Variants in DSCAML1 observed in about 807,000 individuals in gnomAD.
DSCAML1 encodes cell adhesion molecule DSCAML1.
A neutral mutation model predicts 200.5 loss-of-function variants in DSCAML1; 38 were observed. That is an observed-to-expected ratio of 0.19 (90% CI 0.15 to 0.25). The LOEUF (loss-of-function observed/expected upper bound fraction) is 0.25, where lower values mean the gene tolerates loss of function less well. Among genes scored for constraint, DSCAML1 ranks in the 10% least tolerant of loss-of-function variants. The probability of loss-of-function intolerance (pLI) is 1.00; values close to 1 mark genes in which losing one functional copy is unlikely to be tolerated. For synonymous variants in DSCAML1, 1,215 were observed against 1,165.0 expected (o/e 1.04, Z -0.87); for missense variants, 2,223 against 2,858.8 (o/e 0.78, Z 5.07).
intron 4 of DSCAML1, among the ~76,000 whole-genome samples, chr11:117,530,201 G>A (rs1369120425): frequency 4.6e-5 from 7 of 152,144 alleles, no homozygotes; most frequent in Non-Finnish European, 1.0e-4. Context: ...AGGAGGGGAA[G>A]AAGGGCTGGC....
intron 29 of DSCAML1, 72 bp from the exon 30 acceptor site, chr11:117,432,576 T>C: frequency 2.0e-6 from 3 of 1,488,580 alleles, no homozygotes; most frequent in Non-Finnish European, 2.7e-6. Flanking sequence ...TGTGACTGAA[T>C]TTCTCTTTGT....
At chr11:117,635,377 G>A (rs746414684) in intron 3 of DSCAML1, among the ~76,000 whole-genome samples, 12 of 152,052 alleles carry the variant, frequency 7.9e-5, no homozygotes, top group East Asian at 3.9e-4. Context: ...CCAGAGTCCC[G>A]GATATCCAAG....
intron 3 of DSCAML1, among the ~76,000 whole-genome samples, chr11:117,726,937 G>A (rs975537833): frequency 6.6e-6 from 1 of 152,112 alleles, no homozygotes; most frequent in African/African-American, 2.4e-5. Context: ...CAGGCAGCAC[G>A]TAGCCTACTG....
chr11:117,748,593 G>T (rs2054553903), intron 3 of DSCAML1, among the ~76,000 whole-genome samples: 1 of 152,206 alleles, frequency 6.6e-6, no homozygotes, highest in South Asian at 2.1e-4. Flanking sequence ...TCCAGCAGGT[G>T]TGGAATGCGG....
Position 117,718,430 on chromosome 11 carries a change from T to C in DSCAML1, c.511+58361A>G, listed in dbSNP as rs546342685. Among the ~76,000 whole-genome samples the C allele has an allele frequency of 6.6e-5, 10 of 152,312 alleles. No individual in the cohort carries two copies. In the South Asian group the frequency reaches 2.1e-3, roughly 32 times the overall value. On this transcript the variant is annotated intron_variant, in intron 3 of 32. Coordinates refer to ENST00000651296, the MANE Select transcript of DSCAML1 (RefSeq NM_020693.4). Reference sequence around the variant, plus strand: ...CAGTTCCAGCATAGGTGCAGTATCTTTGGCCAGGAATTCAGCAAGCTTTGG... The same window carrying C: ...CAGTTCCAGCATAGGTGCAGTATCTCTGGCCAGGAATTCAGCAAGCTTTGG...
rs371134042 is a variant in DSCAML1, at chr11:117,428,387, C to T, written c.6103G>A (p.Val2035Ile). Residue 2035 changes from valine to isoleucine, a missense_variant, in exon 33 of 33, where the codon GTA becomes ATA. Physicochemically the swap from Val to Ile is conservative, Grantham distance 29. Coordinates refer to ENST00000651296, the MANE Select transcript of DSCAML1 (RefSeq NM_020693.4). ...GCCCCCTGCTTCTGAGACCTCCCTACCCCCGATGTGCTCATCTCGAGAAGC... is the reference window on the plus strand; with the variant it reads ...GCCCCCTGCTTCTGAGACCTCCCTATCCCCGATGTGCTCATCTCGAGAAGC... ...DSLLEMSTSG[V>I]GRSQKQGAGA... The T allele has an allele frequency of 7.6e-6, 12 of 1,589,244 alleles. No individual in the cohort carries two copies. The African/African-American group carries it at 9.6e-5, about 13-fold the overall frequency.
chr11:117,657,363 G>A (rs531902085), intron 3 of DSCAML1, among the ~76,000 whole-genome samples: 1 of 152,174 alleles, frequency 6.6e-6, no homozygotes, highest in African/African-American at 2.4e-5. Context: ...AGTAAGAACA[G>A]GGAAACAGAA....
intron 3 of DSCAML1, among the ~76,000 whole-genome samples, chr11:117,570,169 G>T (rs558107674): frequency 7.9e-5 from 12 of 152,098 alleles, no homozygotes; most frequent in Admixed American, 5.2e-4. Flanking sequence ...CTAGAATGGC[G>T]GGGTCGGCTG....
At chr11:117,556,344 C>G (rs992426161) in intron 3 of DSCAML1, among the ~76,000 whole-genome samples, 6 of 152,112 alleles carry the variant, frequency 3.9e-5, no homozygotes, top group Admixed American at 2.6e-4. Context: ...GCAAGGGGCT[C>G]TAGCTCATCT....
intron 8 of DSCAML1, among the ~76,000 whole-genome samples, chr11:117,513,987 C>T (rs987592990): frequency 9.9e-5 from 15 of 152,212 alleles, no homozygotes; most frequent in South Asian, 4.1e-4. Flanking sequence ...CAGGCCCTTC[C>T]ACCGGATGTC....
chr11:117,798,851 C>T (rs1029285086), upstream of DSCAML1, among the ~76,000 whole-genome samples: 3 of 152,182 alleles, frequency 2.0e-5, no homozygotes, highest in African/African-American at 7.2e-5. Context: ...GGCCTCCCGA[C>T]TCCAGAGCAG....
chr11:117,534,115 A>C lies in DSCAML1; in HGVS notation c.512-1593T>G, dbSNP rs543454386. 2.6e-5 allele frequency among the ~76,000 whole-genome samples: 4 copies of C among 152,360 alleles called. No homozygotes were observed. In the East Asian group the frequency reaches 7.7e-4, roughly 29 times the overall value. Reference sequence around the variant, plus strand: ...CCATGCCCTTCTAGCCCTATTATTTAGAGGTCTGCTACCTGAGGCCTAAGT... The same window carrying C: ...CCATGCCCTTCTAGCCCTATTATTTCGAGGTCTGCTACCTGAGGCCTAAGT... On this transcript the variant is annotated intron_variant, in intron 3 of 32. Coordinates refer to ENST00000651296, the MANE Select transcript of DSCAML1 (RefSeq NM_020693.4).
chr11:117,726,256 TGTGTGTGTGC>T (rs938993766), intron 3 of DSCAML1, among the ~76,000 whole-genome samples: 2 of 145,144 alleles, frequency 1.4e-5, no homozygotes, highest in African/African-American at 2.8e-5. Context: ...TATCTCTGTG[TGTGTGTGTGC>T]GTGTGTGTGT....
At chr11:117,769,153 T>A (rs1187567633) in intron 3 of DSCAML1, among the ~76,000 whole-genome samples, 2 of 39,640 alleles carry the variant, frequency 5.0e-5, no homozygotes, top group African/African-American at 1.4e-4. Flanking sequence ...TATATATATT[T>A]TATATATATT....
chr11:117,435,538 A>G (rs2047896905), intron 27 of DSCAML1, 106 bp downstream of exon 27: 7 of 1,339,270 alleles, frequency 5.2e-6, no homozygotes, highest in South Asian at 5.0e-5. Flanking sequence ...AAGGGGACAC[A>G]GGCACTCTGT....
chr11:117,599,794 A>G (rs2051431530), intron 3 of DSCAML1, among the ~76,000 whole-genome samples: 2 of 152,170 alleles, frequency 1.3e-5, no homozygotes, highest in African/African-American at 2.4e-5. Context: ...TATAAACACC[A>G]CATCAATAGC....
At chr11:117,522,708 C>T (rs1042308348) in intron 5 of DSCAML1, among the ~76,000 whole-genome samples, 1 of 152,228 alleles carries the variant, frequency 6.6e-6, no homozygotes, top group Non-Finnish European at 1.5e-5. Flanking sequence ...ATCCCAGTCG[C>T]CAGCCGGAGC....
intron 1 of DSCAML1, among the ~76,000 whole-genome samples, chr11:117,811,581 C>G (rs1234281184): frequency 6.6e-6 from 1 of 152,240 alleles, no homozygotes; most frequent in Non-Finnish European, 1.5e-5. Flanking sequence ...GGACACCAGG[C>G]CAAGGAATGC....
Position 117,780,290 on chromosome 11 carries a change from A to AGAAAGAAAGAAAGAC in DSCAML1, c.364+202_364+203insGTCTTTCTTTCTTTC, listed in dbSNP as rs2055224139. Among the ~76,000 whole-genome samples, 3 of 100,128 alleles carry AGAAAGAAAGAAAGAC rather than the reference A, an allele frequency of 3.0e-5. No individual in the cohort carries two copies. Among genetic ancestry groups the AGAAAGAAAGAAAGAC allele is most frequent in the African/African-American group, 6.4e-5 (2 of 31,304 alleles). The allele number at this position is 100,128 out of a possible 152,430, so 65.7% of individuals were successfully genotyped here. A position where few individuals can be genotyped will look rare whatever the true frequency, so the allele number is the denominator to read the frequency against. ...AAAGAAAGAAAGAAAGAAAGAAAGA[A>AGAAAGAAAGAAAGAC]AGAAAGAAAGAAAGAGAGAAAGGAG... On this transcript the variant is annotated intron_variant, in intron 2 of 32. Transcript: ENST00000651296. The surrounding 1 kb of genome is among the most constrained non-coding windows in gnomAD (Gnocchi z 4.8).
Sources: allele counts gnomAD v4.1 joint callset (sites outside exome capture counted in the v4.1 genomes callset), GRCh38; gene constraint gnomAD v4.1.1; non-coding constraint Gnocchi (gnomAD v3.1); transcripts MANE v1.5; gene names NCBI Gene and HGNC (gene_info 2026-07-23, HGNC 2026-07-21).